The following SENP7 variants were observed in gnomAD, a reference collection of about 807,000 sequenced individuals.
SENP7 encodes the protein SUMO specific peptidase 7.
Under a neutral mutation model 141.2 loss-of-function variants are expected in SENP7, and 64 were observed. The observed-to-expected ratio is 0.45, with a 90% CI of 0.37 to 0.56. The LOEUF is 0.56. Among genes scored for constraint, SENP7 ranks in the 20% least tolerant of loss-of-function variants. The pLI, the probability that SENP7 is intolerant of heterozygous loss-of-function variation, is 0.00. For missense variants in SENP7, 1,025 were observed against 1,212.2 expected (o/e 0.85, Z 2.29); for synonymous variants, 382 against 426.4 (o/e 0.90, Z 1.28).
intron 6 of SENP7, among the ~76,000 whole-genome samples, chr3:101,391,423 C>T (rs1023262976): frequency 6.6e-6 from 1 of 150,490 alleles, no homozygotes; most frequent in African/African-American, 2.4e-5. Context: ...ACTGATACCA[C>T]AGAAATACAA....
chr3:101,327,745 A>G lies in SENP7; in HGVS notation c.2936T>C (p.Leu979Pro). ...RQFSKTNMVD[L>P]CPKVPKQDNS... The stretch of plus-strand genomic sequence containing the variant: ...GTCCTGTTTAGGAACTTTAGGGCAT[A>G]GATCCACCATGTTTGTTTTGCTGAA... Residue 979 changes from leucine to proline, a missense_variant, in exon 23 of 24, where the codon CTA becomes CCA. This residue lies in a region of SENP7 where 295 missense variants were observed against 459.1 expected (regional missense o/e 0.64). Transcript: ENST00000394095. The G allele has an allele frequency of 6.2e-7, 1 of 1,611,792 alleles. No individual in the cohort carries two copies. Among genetic ancestry groups the G allele is most frequent in the South Asian group, 1.1e-5 (1 of 90,882 alleles).
chr3:101,334,468 G>A lies in SENP7; in HGVS notation c.2481-1606C>T, dbSNP rs554194682. Among the ~76,000 whole-genome samples, 82 of 152,002 alleles carry A rather than the reference G, an allele frequency of 5.4e-4. No individual in the cohort carries two copies. The Middle Eastern group carries it at 0.01, about 19-fold the overall frequency. ...TATATAATTTTTATCAAGTCATATA[G>A]GAAACTGAAATCATTGCCCCATCTT... On this transcript the variant is annotated intron_variant, in intron 17 of 23. Transcript: ENST00000394095.
chr3:101,388,691 AT>A (rs991839888), intron 6 of SENP7, among the ~76,000 whole-genome samples: 1 of 152,162 alleles, frequency 6.6e-6, no homozygotes, highest in Admixed American at 6.5e-5. Flanking sequence ...CAAAATAATG[AT>A]TTTTTTAAAC....
Position 101,332,653 on chromosome 3 carries a change from A to G in SENP7, c.2573+117T>C, listed in dbSNP as rs979494328. 6.5e-5 allele frequency: 37 copies of G among 566,532 alleles called. No individual in the cohort carries two copies. The African/African-American group carries it at 6.6e-4, about 10-fold the overall frequency. 35.1% of individuals were successfully genotyped at this position (566,532 alleles called of 1,614,324 possible). A position where few individuals can be genotyped will look rare whatever the true frequency, so the allele number is the denominator to read the frequency against. ...TTAGCTACTTTTATTTAAAAAAATT[A>G]AAATAATACCTGAGATGTATGTGGC... On this transcript the variant is annotated intron_variant, in intron 18 of 23. Transcript: ENST00000394095.
At chr3:101,428,935 T>A (rs2062059993) in intron 4 of SENP7, among the ~76,000 whole-genome samples, 1 of 152,228 alleles carries the variant, frequency 6.6e-6, no homozygotes, top group African/African-American at 2.4e-5. Flanking sequence ...CAACACCATT[T>A]ATTAAATAGG....
chr3:101,339,746 A>G (rs2059282548), intron 16 of SENP7, among the ~76,000 whole-genome samples: 1 of 152,076 alleles, frequency 6.6e-6, no homozygotes, highest in Admixed American at 6.6e-5. Context: ...TACAACAGAT[A>G]TCTCAATAGA....
chr3:101,416,667 T>G (rs960696683), intron 5 of SENP7, among the ~76,000 whole-genome samples: 1 of 152,212 alleles, frequency 6.6e-6, no homozygotes, highest in Non-Finnish European at 1.5e-5. Flanking sequence ...TAAACTTGGC[T>G]TTTTATGATT....
intron 4 of SENP7, among the ~76,000 whole-genome samples, chr3:101,432,964 A>G (rs1014544248): frequency 6.6e-6 from 1 of 152,342 alleles, no homozygotes; most frequent in South Asian, 2.1e-4. Context: ...AAAGAATATC[A>G]TAACACTGTA....
chr3:101,348,683 C>T (rs2059535796), intron 12 of SENP7, among the ~76,000 whole-genome samples: 1 of 151,954 alleles, frequency 6.6e-6, no homozygotes, highest in African/African-American at 2.4e-5. Context: ...AAAATTCCTC[C>T]AGGTTTTATT....
chr3:101,442,538 T>C (rs934850382), intron 4 of SENP7, among the ~76,000 whole-genome samples: 2 of 152,086 alleles, frequency 1.3e-5, no homozygotes, highest in East Asian at 3.8e-4. Context: ...TGCGGCCTGG[T>C]TCCTAACAGG....
chr3:101,511,721 T>C (rs1002473179), intron 1 of SENP7, among the ~76,000 whole-genome samples: 3 of 152,244 alleles, frequency 2.0e-5, no homozygotes, highest in Admixed American at 6.5e-5. Context: ...CAGAGATCCA[T>C]AATCACTCTC....
At chr3:101,495,728 A>C (rs373189284) in intron 2 of SENP7, among the ~76,000 whole-genome samples, 1 of 152,196 alleles carries the variant, frequency 6.6e-6, no homozygotes, top group African/African-American at 2.4e-5. Context: ...TGGGGGAACA[A>C]CACACACTGG....
intron 4 of SENP7, among the ~76,000 whole-genome samples, chr3:101,436,825 G>C (rs1377656766): frequency 1.3e-5 from 2 of 152,212 alleles, no homozygotes; most frequent in Admixed American, 1.3e-4. Context: ...ACACACTTTA[G>C]GTGGGAATGT....
At chr3:101,490,808 T>C (rs901439148) in intron 3 of SENP7, among the ~76,000 whole-genome samples, 2 of 152,138 alleles carry the variant, frequency 1.3e-5, no homozygotes, top group Non-Finnish European at 2.9e-5. Flanking sequence ...AACAAAAAAG[T>C]TGAGTAGTGG....
At chr3:101,448,019 T>C (rs1468545627) in intron 4 of SENP7, among the ~76,000 whole-genome samples, 3 of 152,198 alleles carry the variant, frequency 2.0e-5, no homozygotes, top group African/African-American at 4.8e-5. Context: ...CAACAAATGG[T>C]GCTGGCACAA....
rs1576792765 is a variant in SENP7 at position 101,328,464 on chromosome 3, T to C, written c.2864+14A>G. ...TAGATAACAGACTGGAATGGTAAAA[T>C]TGTCATTACTTACTCTCGTAAATTC... On this transcript the variant is annotated intron_variant, in intron 22 of 23. Transcript: ENST00000394095. The C allele has an allele frequency of 1.9e-6, 3 of 1,602,986 alleles. No individual in the cohort carries two copies. The highest frequency in any genetic ancestry group is 1.7e-4 in the Middle Eastern group (1 of 5,940).
chr3:101,493,892 C>A lies in SENP7; in HGVS notation c.167G>T (p.Arg56Leu), dbSNP rs374701926. 2 of 1,601,256 alleles carry A rather than the reference C, an allele frequency of 1.2e-6. No individual in the cohort carries two copies. The highest frequency in any genetic ancestry group is 1.1e-5 in the South Asian group (1 of 89,516). ...SPLSKFRSSE[R>L]WTLPLQWERS... ...TACCACCTGCAAAGGGAGAGTCCAG[C>A]GTTCTGAGCTTCTGAATTTGGACAG... Residue 56 changes from arginine (R) to leucine (L), a missense_variant, in exon 3 of 24, where the codon CGC (arginine) becomes CTC (leucine). Coordinates refer to ENST00000394095, the MANE Select transcript of SENP7 (RefSeq NM_020654.5).
intron 4 of SENP7, among the ~76,000 whole-genome samples, chr3:101,449,408 A>G (rs1042447484): frequency 2.0e-5 from 3 of 152,108 alleles, no homozygotes; most frequent in Admixed American, 1.3e-4. Context: ...CAACTCCAAG[A>G]CATAATTGTA....
chr3:101,471,403 A>G (rs1328348813), intron 3 of SENP7, among the ~76,000 whole-genome samples: 2 of 152,262 alleles, frequency 1.3e-5, no homozygotes, highest in Non-Finnish European at 2.9e-5. Context: ...AAATGGGGAA[A>G]GGATTCCCTA....
Sources: gnomAD v4.1 joint callset for allele counts (sites outside exome capture counted in the v4.1 genomes callset) on GRCh38, gnomAD v4.1.1 for gene constraint, gnomAD v4.1.1 regional missense constraint, MANE v1.5 for transcripts, NCBI Gene and HGNC (gene_info 2026-07-23, HGNC 2026-07-21) for gene names.